The following BZW1 variants were observed in gnomAD, a reference collection of about 807,000 sequenced individuals.
The protein encoded by BZW1 is basic leucine zipper and W2 domains 1.
In BZW1, 3 loss-of-function variants were observed where a neutral mutation model predicts 54.1. The ratio of observed to expected loss-of-function variants is 0.06; its 90% CI spans 0.03 to 0.14. The LOEUF (loss-of-function observed/expected upper bound fraction) is 0.14. BZW1 is among the 10% of genes least tolerant of loss of function. BZW1 has a pLI of 1.00. For synonymous variants in BZW1, 152 were observed against 162.7 expected, an observed-to-expected ratio of 0.93 and a Z score of 0.50; for missense variants, 206 against 491.7, an observed-to-expected ratio of 0.42 and a Z score of 5.50.
At chr2:200,816,587 G>A (rs577150036) in intron 5 of BZW1, among the ~76,000 whole-genome samples, 197 bp downstream of exon 5, 29 of 152,252 alleles carry the variant, frequency 1.9e-4, no homozygotes, top group African/African-American at 7.0e-4. Context: ...TGCCTCCCGG[G>A]TTCAAGCGAT....
chr2:200,812,596 A>G lies in BZW1; in HGVS notation c.-11+606A>G. 3 of 1,389,660 alleles carry G rather than the reference A, an allele frequency of 2.2e-6. No homozygotes were observed. In the South Asian group the frequency reaches 4.7e-5, roughly 22 times the overall value. 86.1% of individuals were successfully genotyped at this position (1,389,660 alleles called of 1,614,324 possible). On this transcript the variant is annotated intron_variant, in intron 1 of 11. Coordinates refer to ENST00000409600, the MANE Select transcript of BZW1 (RefSeq NM_001207067.2). ...TGTGGCTCGGGCGGGAGGCATGGGA[A>G]GGGTGTGGATTGGGAGACACGTTAC...
intron 1 of BZW1, chr2:200,812,625 G>A: frequency 7.6e-7 from 1 of 1,317,898 alleles, no homozygotes; most frequent in South Asian, 1.5e-5. Flanking sequence ...ACGTTACCGG[G>A]GAGGAGGCTA....
At chr2:200,821,075 G>A (rs2038490565) in intron 10 of BZW1, 108 bp from the exon 11 acceptor site, 1 of 1,333,566 alleles carries the variant, frequency 7.5e-7, no homozygotes, top group South Asian at 1.4e-5. Flanking sequence ...GATGTTTTTA[G>A]CTTTTCAGCA....
intron 10 of BZW1, among the ~76,000 whole-genome samples, chr2:200,820,499 A>G (rs570091453): frequency 1.3e-5 from 2 of 152,234 alleles, no homozygotes; most frequent in South Asian, 4.1e-4. Context: ...GGACTGCATA[A>G]GGAGACCTCA....
rs1184187515 is a variant in BZW1 at position 200,825,224 on chromosome 2, C to G, written c.*3046C>G. 2 of 152,184 alleles carry G rather than the reference C, an allele frequency of 1.3e-5. No homozygotes were observed. The highest frequency in any genetic ancestry group is 2.9e-5 in the Non-Finnish European group (2 of 68,098). The allele number at this position is 152,184 out of a possible 1,614,324, so 9.4% of individuals were successfully genotyped here. A position where few individuals can be genotyped will look rare whatever the true frequency, so the allele number is the denominator to read the frequency against. ...GGATTACAGGCGGCCACCACCACCC[C>G]TGGCTAATTTTTGTATTTTTAGTAG... On this transcript the variant is annotated 3_prime_UTR_variant, in exon 12 of 12. Coordinates refer to ENST00000409600, the MANE Select transcript of BZW1 (RefSeq NM_001207067.2).
rs773240445 is a variant in BZW1 at position 200,813,203 on chromosome 2, C to T, written c.-10-5C>T. The T allele has an allele frequency of 1.1e-5, 18 of 1,611,628 alleles. No individual in the cohort carries two copies. Among genetic ancestry groups the T allele is most frequent in the East Asian group, 2.2e-5 (1 of 44,846 alleles). On this transcript the variant is annotated splice_polypyrimidine_tract_variant and splice_region_variant and intron_variant, in intron 1 of 11. Coordinates refer to ENST00000409600, the MANE Select transcript of BZW1 (RefSeq NM_001207067.2). ...GATATTAAGGCTTTATTTCTCCTTT[C>T]CTAGGGTGTCTTTTATGAATAATCA...
rs2038657722 is a variant in BZW1 at position 200,825,098 on chromosome 2, T to C, written c.*2920T>C. 1 of 152,342 alleles carries C rather than the reference T, an allele frequency of 6.6e-6. No individual in the cohort carries two copies. The highest frequency in any genetic ancestry group is 2.4e-5 in the African/African-American group (1 of 41,352). The allele number at this position is 152,342 out of a possible 1,614,324, so 9.4% of individuals were successfully genotyped here. On this transcript the variant is annotated 3_prime_UTR_variant, in exon 12 of 12. Transcript: ENST00000409600. ...GTTTTTGTTTTGGAGACAGTCTCAC[T>C]CTGTTACCTGGGCTGGAGTGCAATG...
intron 11 of BZW1, 91 bp downstream of exon 11, chr2:200,821,396 C>A: frequency 6.7e-7 from 1 of 1,488,410 alleles, no homozygotes; most frequent in Non-Finnish European, 9.1e-7. Flanking sequence ...CTTTCTGATG[C>A]CATTTTGTAC....
At chr2:200,812,937 A>G (rs1469351829) in intron 1 of BZW1, 3 of 670,132 alleles carry the variant, frequency 4.5e-6, no homozygotes, top group African/African-American at 3.5e-5. Context: ...TAGGTTTATG[A>G]CGGGTGATCA....
intron 4 of BZW1, 60 bp downstream of exon 4, chr2:200,815,821 G>T (rs1011213935): frequency 7.3e-7 from 1 of 1,372,946 alleles, no homozygotes; most frequent in South Asian, 1.5e-5. Flanking sequence ...TATATTTGAG[G>T]AATATTCTAC....
intron 6 of BZW1, among the ~76,000 whole-genome samples, chr2:200,817,692 A>T (rs113241435): frequency 2.0e-5 from 3 of 152,058 alleles, no homozygotes; most frequent in African/African-American, 7.2e-5. Flanking sequence ...AAGTTACCTT[A>T]CTGTAATTCT....
At chr2:200,814,948 T>A (rs2038232199) in intron 2 of BZW1, among the ~76,000 whole-genome samples, 1 of 152,212 alleles carries the variant, frequency 6.6e-6, no homozygotes, top group Non-Finnish European at 1.5e-5. Context: ...ATTGGTTCAA[T>A]TTTTTTGTTT....
chr2:200,814,775 A>G (rs1275393658), intron 2 of BZW1, among the ~76,000 whole-genome samples: 1 of 152,172 alleles, frequency 6.6e-6, no homozygotes, highest in Admixed American at 6.5e-5. Context: ...TAGTCTCTTG[A>G]TTACCTAATT....
rs183533094 is a variant in BZW1, at chr2:200,815,633, G to T, written c.242-34G>T. ...CTTGTTAAAATGGAGTGATTTTTTT[G>T]GTTTTGTTGTATTTTGGTTTTATCC... On this transcript the variant is annotated intron_variant, in intron 3 of 11. Transcript: ENST00000409600. The T allele has an allele frequency of 5.4e-4, 850 of 1,582,438 alleles. 4 individuals are homozygous for T. The African/African-American group carries it at 9.9e-3, about 18-fold the overall frequency.
intron 11 of BZW1, 24 bp downstream of exon 11, chr2:200,821,329 T>A (rs1051631894): frequency 6.2e-7 from 1 of 1,611,740 alleles, no homozygotes; most frequent in African/African-American, 1.3e-5. Context: ...TTTGTGTGGT[T>A]TGTTTGGTAA....
intron 2 of BZW1, among the ~76,000 whole-genome samples, chr2:200,814,788 TCTGA>T (rs1322486994): frequency 6.6e-6 from 1 of 152,204 alleles, no homozygotes; most frequent in Non-Finnish European, 1.5e-5. Context: ...ACCTAATTTC[TCTGA>T]CTCTCAGTTT....
intron 8 of BZW1, 127 bp from the exon 9 acceptor site, chr2:200,818,628 G>C: frequency 8.9e-7 from 1 of 1,120,296 alleles, no homozygotes; most frequent in Non-Finnish European, 1.3e-6. Flanking sequence ...TTTATATGTG[G>C]TACACATGTG....
Position 200,826,405 on chromosome 2 carries a change from ATATTTTTTTTTTTTTTTTTTT to A in BZW1, c.*4229_*4249del, listed in dbSNP as rs1294185202. The A allele has an allele frequency of 2.1e-4, 10 of 48,678 alleles. No homozygotes were observed. The highest frequency in any genetic ancestry group is 8.6e-4 in the African/African-American group (10 of 11,634). 3.0% of individuals were successfully genotyped at this position (48,678 alleles called of 1,614,324 possible). On this transcript the variant is annotated 3_prime_UTR_variant, in exon 12 of 12. Transcript: ENST00000409600. Reference sequence around the variant, plus strand: ...GATAGATAGATAGATAGATAGATAGATATTTTTTTTTTTTTTTTTTTTTTTTTTTTTTTTTTTGAGACAGAG... The same window carrying A: ...GATAGATAGATAGATAGATAGATAGATTTTTTTTTTTTTTTTGAGACAGAG...
At chr2:200,812,186 G>T (rs1298992652) in intron 1 of BZW1, 196 bp downstream of exon 1, 2 of 1,210,306 alleles carry the variant, frequency 1.7e-6, no homozygotes, top group South Asian at 8.5e-5. Context: ...GCGGCGGCCC[G>T]GGTGGGGAGG....
Sources: gnomAD v4.1 joint callset for allele counts (sites outside exome capture counted in the v4.1 genomes callset) on GRCh38, gnomAD v4.1.1 for gene constraint, MANE v1.5 for transcripts, NCBI Gene and HGNC (gene_info 2026-07-23, HGNC 2026-07-21) for gene names.